TPST2: variants seen among roughly 807,000 people sequenced by gnomAD.
The protein encoded by TPST2 is protein-tyrosine sulfotransferase 2.
TPST2 carries 16 observed loss-of-function variants against 27.8 expected under a neutral mutation model. That is an observed-to-expected ratio of 0.58 (90% CI 0.39 to 0.88). The LOEUF (loss-of-function observed/expected upper bound fraction) is 0.88, where lower values mean the gene tolerates loss of function less well. TPST2 is among the 40% of genes least tolerant of loss of function. TPST2 has a pLI of 0.00. For missense variants in TPST2, 464 were observed against 543.1 expected, an observed-to-expected ratio of 0.85 and a Z score of 1.45; for synonymous variants, 229 against 231.7, an observed-to-expected ratio of 0.99 and a Z score of 0.10.
At chr22:26,585,824 G>A (rs1221239300) in intron 1 of TPST2, among the ~76,000 whole-genome samples, 1 of 152,142 alleles carries the variant, frequency 6.6e-6, no homozygotes, top group Non-Finnish European at 1.5e-5. Context: ...GCCGAGGCGG[G>A]CGGATCACAA....
chr22:26,528,134 C>T (rs1191802217), intron 6 of TPST2, 80 bp downstream of exon 6: 55 of 1,521,586 alleles, frequency 3.6e-5, no homozygotes, highest in Non-Finnish European at 4.6e-5. Context: ...TCTGGAAGGA[C>T]AGAAAAGTGG....
intron 1 of TPST2, among the ~76,000 whole-genome samples, chr22:26,574,485 C>T (rs1317668102): frequency 1.3e-5 from 2 of 152,122 alleles, no homozygotes; most frequent in Admixed American, 1.3e-4. Context: ...CCTCACGGGT[C>T]ACTGTGAGGT....
chr22:26,585,960 G>A (rs980760048), intron 1 of TPST2, among the ~76,000 whole-genome samples: 33 of 152,164 alleles, frequency 2.2e-4, no homozygotes, highest in East Asian at 1.2e-3. Flanking sequence ...GGAGAATGGC[G>A]TGAACCCGGG....
rs1326836272 is a variant in TPST2 at position 26,540,735 on chromosome 22, C to T, written c.842+54G>A. On this transcript the variant is annotated intron_variant, in intron 3 of 6. Coordinates refer to ENST00000338754, the MANE Select transcript of TPST2 (RefSeq NM_003595.5). The stretch of plus-strand genomic sequence containing the variant: ...AGGCAGTGCTGATTTTCTTGCCTGG[C>T]GCCTCTGACTCCAGGGCCAGAGTCT... 10 of 1,484,688 alleles carry T rather than the reference C, an allele frequency of 6.7e-6. No homozygotes were observed. The East Asian group carries it at 1.2e-4, about 17-fold the overall frequency. The allele number at this position is 1,484,688 out of a possible 1,614,324, so 92.0% of individuals were successfully genotyped here. A position where few individuals can be genotyped will look rare whatever the true frequency, so the allele number is the denominator to read the frequency against.
intron 1 of TPST2, chr22:26,555,395 G>T: frequency 2.7e-6 from 1 of 373,986 alleles, no homozygotes. Flanking sequence ...AAGTTGGACA[G>T]ACCCAGGCGA....
At position 26,570,861 on chromosome 22, in the gene TPST2, T is replaced by G. The variant is rs113828635; in HGVS notation, c.-161+19192A>C. Among the ~76,000 whole-genome samples the G allele has an allele frequency of 1.6e-3, 250 of 152,326 alleles. 1 individual carries two copies. Among genetic ancestry groups the G allele is most frequent in the African/African-American group, 5.8e-3 (242 of 41,562 alleles). ...CCTAATCCAATCCAGCAGCAACTCCTGTTAACTTCACCTTTAAAACAGAGC... is the reference window on the plus strand; with the variant it reads ...CCTAATCCAATCCAGCAGCAACTCCGGTTAACTTCACCTTTAAAACAGAGC... On this transcript the variant is annotated intron_variant, in intron 1 of 6. Transcript: ENST00000338754.
chr22:26,530,630 T>C (rs1602249920), intron 5 of TPST2, among the ~76,000 whole-genome samples: 3 of 54,164 alleles, frequency 5.5e-5, no homozygotes, highest in East Asian at 6.3e-4. Flanking sequence ...AAACCCCATC[T>C]CAAAAAAAAA....
At chr22:26,535,627 T>TTAGC (rs1459642341) in intron 4 of TPST2, among the ~76,000 whole-genome samples, 1 of 152,150 alleles carries the variant, frequency 6.6e-6, no homozygotes, top group Non-Finnish European at 1.5e-5. Context: ...AAAATTAAAA[T>TTAGC]TAGCTGTGCA....
In TPST2 at chr22:26,583,428, C is replaced by T. The variant is rs565738765; in HGVS notation, c.-161+6625G>A. ...CTCCAGCCTGGGCGACAGAAGGAAA[C>T]TCCATCTCAAAAAAAAAAAAAAAAA... On this transcript the variant is annotated intron_variant, in intron 1 of 6. Coordinates refer to ENST00000338754, the MANE Select transcript of TPST2 (RefSeq NM_003595.5). 8.6e-4 allele frequency among the ~76,000 whole-genome samples: 88 copies of T among 102,352 alleles called. 2 individuals are homozygous for T. In the South Asian group the frequency reaches 0.034, roughly 40 times the overall value. 67.1% of individuals were successfully genotyped at this position (102,352 alleles called of 152,430 possible).
intron 1 of TPST2, among the ~76,000 whole-genome samples, chr22:26,568,889 G>GC (rs1927482446): frequency 2.2e-3 from 1 of 454 alleles, no homozygotes; most frequent in African/African-American, 7.7e-3. Flanking sequence ...TTTTGAGACG[G>GC]ATCTCGCTCT....
At chr22:26,536,209 C>A (rs755878522) in intron 4 of TPST2, 79 bp downstream of exon 4, 1 of 1,499,216 alleles carries the variant, frequency 6.7e-7, no homozygotes. Flanking sequence ...AACATTTCCT[C>A]AGGTGGCTGG....
At chr22:26,529,463 T>A (rs1293470613) in intron 5 of TPST2, among the ~76,000 whole-genome samples, 2 of 152,048 alleles carry the variant, frequency 1.3e-5, no homozygotes, top group African/African-American at 4.8e-5. Context: ...ACCTGCCTTC[T>A]CCCCTCCCTG....
At chr22:26,551,491 G>A (rs1233741103) in intron 1 of TPST2, among the ~76,000 whole-genome samples, 1 of 152,190 alleles carries the variant, frequency 6.6e-6, no homozygotes, top group Non-Finnish European at 1.5e-5. Context: ...CTGGGAGGCA[G>A]GGGAGCTAGA....
intron 1 of TPST2, among the ~76,000 whole-genome samples, chr22:26,578,705 G>A (rs1194579103): frequency 6.6e-6 from 1 of 152,070 alleles, no homozygotes; most frequent in Admixed American, 6.6e-5. Context: ...CAACACAGGG[G>A]TGCACTGTTC....
intron 3 of TPST2, among the ~76,000 whole-genome samples, chr22:26,539,814 G>C (rs921264122): frequency 1.3e-5 from 2 of 152,068 alleles, no homozygotes; most frequent in Non-Finnish European, 2.9e-5. Flanking sequence ...AAACAGACCT[G>C]GGTTCCAATC....
chr22:26,539,869 TCTC>T (rs1348740668), intron 3 of TPST2, among the ~76,000 whole-genome samples: 4 of 152,218 alleles, frequency 2.6e-5, no homozygotes, highest in Non-Finnish European at 5.9e-5. Context: ...GCCAGTAACT[TCTC>T]CTCTGTGAGA....
intron 2 of TPST2, chr22:26,542,971 C>G (rs903664168): frequency 6.6e-6 from 1 of 152,268 alleles, no homozygotes; most frequent in East Asian, 1.9e-4. Flanking sequence ...AACATCAAAG[C>G]GGAGGGAACA....
At chr22:26,588,000 A>G (rs1306321974) in intron 1 of TPST2, among the ~76,000 whole-genome samples, 2 of 147,500 alleles carry the variant, frequency 1.4e-5, no homozygotes, top group Non-Finnish European at 3.0e-5. Flanking sequence ...CTTACGACCC[A>G]ATCATTCCAC....
At chr22:26,531,583 C>G (rs1179975945) in intron 5 of TPST2, among the ~76,000 whole-genome samples, 4 of 152,220 alleles carry the variant, frequency 2.6e-5, no homozygotes, top group Non-Finnish European at 4.4e-5. Context: ...TGTGGCAGAC[C>G]TAGTTTTAAT....
Sources: gnomAD v4.1 joint callset for allele counts (sites outside exome capture counted in the v4.1 genomes callset) on GRCh38, gnomAD v4.1.1 for gene constraint, MANE v1.5 for transcripts, NCBI Gene and HGNC (gene_info 2026-07-23, HGNC 2026-07-21) for gene names.